The following PTPRN2 variants were observed in gnomAD, a reference collection of about 807,000 sequenced individuals.
The protein encoded by PTPRN2 is protein tyrosine phosphatase receptor type N2.
Under a neutral mutation model 118.8 loss-of-function variants are expected in PTPRN2, and 74 were observed. That is an observed-to-expected ratio of 0.62 (90% CI 0.52 to 0.76). PTPRN2 has a LOEUF of 0.76. PTPRN2 is among the 30% of genes least tolerant of loss of function. PTPRN2 has a pLI of 0.00. For synonymous variants in PTPRN2, 641 were observed against 608.0 expected, an observed-to-expected ratio of 1.05 and a Z score of -0.80; for missense variants, 1,481 against 1,394.4, an observed-to-expected ratio of 1.06 and a Z score of -0.99.
At chr7:157,981,823 T>G (rs1803174892) in intron 11 of PTPRN2, among the ~76,000 whole-genome samples, 1 of 152,272 alleles carries the variant, frequency 6.6e-6, no homozygotes, top group African/African-American at 2.4e-5. Flanking sequence ...CCCTATCATA[T>G]CAGCCCATTC....
chr7:158,047,741 T>C (rs1297919431), intron 11 of PTPRN2, among the ~76,000 whole-genome samples: 2 of 152,222 alleles, frequency 1.3e-5, no homozygotes, highest in African/African-American at 4.8e-5. Flanking sequence ...GCTGGTGCAC[T>C]AGAAGCAGCT....
intron 11 of PTPRN2, among the ~76,000 whole-genome samples, chr7:157,940,462 T>C (rs2128789980): frequency 6.6e-6 from 1 of 151,546 alleles, no homozygotes; most frequent in South Asian, 2.1e-4. Flanking sequence ...ACACTGCAAA[T>C]CTAATGCCCT....
intron 2 of PTPRN2, 95 bp from the exon 3 acceptor site, chr7:158,317,027 G>A: frequency 3.3e-6 from 3 of 909,832 alleles, no homozygotes; most frequent in South Asian, 1.8e-5. Context: ...TTCTGATCAT[G>A]TGCCGCCGTG....
intron 12 of PTPRN2, among the ~76,000 whole-genome samples, chr7:157,747,252 T>C (rs13231572): frequency 0.016 from 518 of 33,030 alleles, no homozygotes; most frequent in African/African-American, 0.051. Flanking sequence ...GGCCTGCGTC[T>C]CTGAGCTGTG....
intron 12 of PTPRN2, among the ~76,000 whole-genome samples, chr7:157,770,380 A>G (rs1802729463): frequency 6.6e-6 from 1 of 152,144 alleles, no homozygotes; most frequent in Non-Finnish European, 1.5e-5. Context: ...GAGAAACTGG[A>G]TTTTCAATTA....
chr7:157,997,029 G>A (rs1172474624), intron 11 of PTPRN2, among the ~76,000 whole-genome samples: 3 of 152,236 alleles, frequency 2.0e-5, no homozygotes, highest in African/African-American at 7.2e-5. Flanking sequence ...ATGAGGAGCA[G>A]TCCCACAGTG....
At chr7:157,665,972 C>T (rs1796116764) in intron 13 of PTPRN2, among the ~76,000 whole-genome samples, 1 of 152,158 alleles carries the variant, frequency 6.6e-6, no homozygotes, top group African/African-American at 2.4e-5. Context: ...CATCACACAC[C>T]ACAGCCTGTC....
chr7:157,925,913 C>T lies in PTPRN2; in HGVS notation c.1724-27176G>A, dbSNP rs76883110. Among the ~76,000 whole-genome samples the T allele has an allele frequency of 7.2e-5, 11 of 152,248 alleles. No homozygotes were observed. The East Asian group carries it at 2.1e-3, about 29-fold the overall frequency. ...TCCACAGACACCTCTTCTTCTGTGT[C>T]GTTCTAAAACCCTTCTCCCAGAGAT... On this transcript the variant is annotated intron_variant, in intron 11 of 22. Transcript: ENST00000389418.
chr7:158,162,700 C>T (rs1822468786), intron 6 of PTPRN2, among the ~76,000 whole-genome samples: 1 of 148,498 alleles, frequency 6.7e-6, no homozygotes. Context: ...TTCCACTGAA[C>T]CTGCTTTAAA....
At chr7:158,001,410 A>C (rs1441238750) in intron 11 of PTPRN2, among the ~76,000 whole-genome samples, 1 of 152,008 alleles carries the variant, frequency 6.6e-6, no homozygotes, top group African/African-American at 2.4e-5. Flanking sequence ...GCCTTAAATA[A>C]TTTGCCTAAG....
chr7:158,463,245 T>TCC (rs892679283), intron 2 of PTPRN2, among the ~76,000 whole-genome samples: 27 of 152,072 alleles, frequency 1.8e-4, no homozygotes, highest in South Asian at 2.1e-4. Flanking sequence ...GAGCCCATCA[T>TCC]CCCCTAACTC....
At chr7:158,208,545 A>G (rs1827337866) in intron 3 of PTPRN2, among the ~76,000 whole-genome samples, 2 of 152,242 alleles carry the variant, frequency 1.3e-5, no homozygotes. Flanking sequence ...CTGAAATTGT[A>G]TATCCAACAA....
chr7:158,150,966 C>G (rs541289685), intron 6 of PTPRN2, among the ~76,000 whole-genome samples: 1 of 152,078 alleles, frequency 6.6e-6, no homozygotes, highest in Non-Finnish European at 1.5e-5. Context: ...TCCCACCCTG[C>G]TTACAGCAAT....
chr7:158,125,567 C>A (rs1294582012), intron 9 of PTPRN2, among the ~76,000 whole-genome samples: 1 of 152,204 alleles, frequency 6.6e-6, no homozygotes, highest in Non-Finnish European at 1.5e-5. Context: ...CCCATCGGGG[C>A]TATAACCCCA....
chr7:157,749,296 T>C (rs1186578618), intron 12 of PTPRN2, among the ~76,000 whole-genome samples: 1 of 146,058 alleles, frequency 6.8e-6, no homozygotes, highest in Non-Finnish European at 1.5e-5. Flanking sequence ...TTCTGAGGCC[T>C]GCGTCCCTGA....
intron 2 of PTPRN2, among the ~76,000 whole-genome samples, chr7:158,344,296 T>A (rs1001998655): frequency 1.3e-5 from 2 of 151,930 alleles, no homozygotes; most frequent in Admixed American, 1.3e-4. Context: ...AACAAGGCAG[T>A]TTAGTAACTA....
intron 3 of PTPRN2, among the ~76,000 whole-genome samples, chr7:158,229,465 A>T (rs759974995): frequency 2.6e-5 from 4 of 152,112 alleles, no homozygotes; most frequent in Non-Finnish European, 5.9e-5. Flanking sequence ...AATTCAAAAT[A>T]GCAGTTTTAA....
chr7:158,340,639 A>G (rs1280140985), intron 2 of PTPRN2, among the ~76,000 whole-genome samples: 1 of 105,390 alleles, frequency 9.5e-6, no homozygotes, highest in Non-Finnish European at 2.1e-5. Context: ...CACTCTAGCC[A>G]TAAGAGCTGA....
intron 3 of PTPRN2, among the ~76,000 whole-genome samples, chr7:158,262,560 TACAC>T (rs764143176): frequency 9.5e-6 from 1 of 105,752 alleles, no homozygotes; most frequent in Admixed American, 9.9e-5. Context: ...CTGCACACAC[TACAC>T]ACACATTCAC....
Sources: allele counts gnomAD v4.1 joint callset (sites outside exome capture counted in the v4.1 genomes callset), GRCh38; gene constraint gnomAD v4.1.1; transcripts MANE v1.5; gene names NCBI Gene and HGNC (gene_info 2026-07-23, HGNC 2026-07-21).